HIBADH: variants seen among roughly 807,000 people sequenced by gnomAD.
HIBADH encodes 3-hydroxyisobutyrate dehydrogenase, mitochondrial.
HIBADH carries 25 observed loss-of-function variants against 36.1 expected under a neutral mutation model. The ratio of observed to expected loss-of-function variants is 0.69; its 90% CI spans 0.50 to 0.97. The LOEUF (loss-of-function observed/expected upper bound fraction) is 0.97. Ranked by LOEUF, HIBADH falls within the 50% of genes least tolerant of loss-of-function variation. The pLI, the probability that HIBADH is intolerant of heterozygous loss-of-function variation, is 0.00. For missense variants in HIBADH, 421 were observed against 418.0 expected (o/e 1.01, Z -0.06); for synonymous variants, 160 against 149.5 (o/e 1.07, Z -0.51).
chr7:27,614,190 C>A (rs1051323749), intron 4 of HIBADH, among the ~76,000 whole-genome samples: 1 of 152,148 alleles, frequency 6.6e-6, no homozygotes, highest in Non-Finnish European at 1.5e-5. Context: ...AATGTAAGAA[C>A]TTCCTCTTTA....
Position 27,632,345 on chromosome 7 carries a change from C to A in HIBADH, c.353G>T (p.Gly118Val). 1 of 1,595,576 alleles carries A rather than the reference C, an allele frequency of 6.3e-7. No homozygotes were observed. The highest frequency in any genetic ancestry group is 1.1e-5 in the South Asian group (1 of 90,516). ...GGTGAGAAATACATACTTTAGAATCCCATTTGCTCCGGAATAAGCTTCTAT... is the reference window on the plus strand; with the variant it reads ...GGTGAGAAATACATACTTTAGAATCACATTTGCTCCGGAATAAGCTTCTAT... ...NAIEAYSGAN[G>V]ILKKVKKGSL... The change falls in exon 3 of 8, where the codon GGG (glycine) becomes GTG (valine). Residue 118 changes from glycine to valine, a missense_variant. Physicochemically the swap from Gly to Val is moderately radical, Grantham distance 109 (BLOSUM62 -3). Transcript: ENST00000265395.
chr7:27,568,256 T>C (rs1784577633), intron 4 of HIBADH, among the ~76,000 whole-genome samples: 1 of 152,184 alleles, frequency 6.6e-6, no homozygotes, highest in South Asian at 2.1e-4. Context: ...AGTTTTCCTT[T>C]ACCTGTGAAT....
At chr7:27,645,376 T>TTTTTTTTTTG (rs1786047112) in intron 2 of HIBADH, among the ~76,000 whole-genome samples, 1 of 117,810 alleles carries the variant, frequency 8.5e-6, no homozygotes, top group Non-Finnish European at 1.7e-5. Flanking sequence ...TGATTTTTTT[T>TTTTTTTTTTG]TTTTTTTTTT....
At chr7:27,548,016 A>C (rs1280785808) in intron 4 of HIBADH, among the ~76,000 whole-genome samples, 1 of 152,166 alleles carries the variant, frequency 6.6e-6, no homozygotes, top group Non-Finnish European at 1.5e-5. Context: ...ACTCATTTGT[A>C]CAAATAAATG....
intron 4 of HIBADH, among the ~76,000 whole-genome samples, chr7:27,550,482 C>T (rs1464645309): frequency 1.3e-5 from 2 of 152,166 alleles, no homozygotes; most frequent in Admixed American, 1.3e-4. Context: ...ACTCAATGCA[C>T]ACTGAAAACT....
At chr7:27,593,369 A>G (rs1784976296) in intron 4 of HIBADH, among the ~76,000 whole-genome samples, 1 of 152,218 alleles carries the variant, frequency 6.6e-6, no homozygotes, top group South Asian at 2.1e-4. Context: ...CAGTTCCCCC[A>G]GACTGTAAGT....
chr7:27,603,312 TG>T (rs1159281453), intron 4 of HIBADH, among the ~76,000 whole-genome samples: 1 of 152,186 alleles, frequency 6.6e-6, no homozygotes, highest in African/African-American at 2.4e-5. Context: ...ACAATTTCAT[TG>T]TTTTTTTGTA....
chr7:27,607,294 G>A (rs910509776), intron 4 of HIBADH, among the ~76,000 whole-genome samples: 12 of 152,154 alleles, frequency 7.9e-5, no homozygotes, highest in Admixed American at 6.5e-5. Flanking sequence ...GATCACCTGA[G>A]GTCAGGAGTT....
chr7:27,632,828 G>C (rs117576517), intron 2 of HIBADH, among the ~76,000 whole-genome samples: 1 of 151,890 alleles, frequency 6.6e-6, no homozygotes, highest in African/African-American at 2.4e-5. Context: ...GTACAACAAC[G>C]CTGGTAACTC....
Position 27,526,352 on chromosome 7 carries a change from G to T in HIBADH, c.873C>A (p.Asp291Glu), listed in dbSNP as rs774068574. 6.2e-7 allele frequency: 1 copy of T among 1,612,006 alleles called. No individual in the cohort carries two copies. The highest frequency in any genetic ancestry group is 1.7e-5 in the Admixed American group (1 of 59,724). ...TTGGGCTCTTTGTGCTGGTAGCAGAGTCTTGTGCCAATCCCAGATCCTAAA... is the reference window on the plus strand; with the variant it reads ...TTGGGCTCTTTGTGCTGGTAGCAGATTCTTGTGCCAATCCCAGATCCTAAA... ...LMAKDLGLAQ[D>E]SATSTKSPIL... is the part of the protein sequence containing the mutation. The change falls in exon 8 of 8, where the codon GAC becomes GAA. Residue 291 changes from aspartate (D) to glutamate (E), a missense_variant. Coordinates refer to ENST00000265395, the MANE Select transcript of HIBADH (RefSeq NM_152740.4).
At chr7:27,530,296 C>T (rs1233058854) in intron 7 of HIBADH, among the ~76,000 whole-genome samples, 1 of 152,114 alleles carries the variant, frequency 6.6e-6, no homozygotes, top group Non-Finnish European at 1.5e-5. Context: ...ATCTCCACCT[C>T]CCGGGTTCAA....
chr7:27,535,674 T>C (rs893627731), intron 6 of HIBADH, among the ~76,000 whole-genome samples: 1 of 152,100 alleles, frequency 6.6e-6, no homozygotes, highest in Non-Finnish European at 1.5e-5. Flanking sequence ...AATGCCTATG[T>C]AGGAATCCAA....
At chr7:27,618,227 T>C (rs1172211432) in intron 4 of HIBADH, among the ~76,000 whole-genome samples, 1 of 152,186 alleles carries the variant, frequency 6.6e-6, no homozygotes, top group Non-Finnish European at 1.5e-5. Flanking sequence ...GCTGGAGGGC[T>C]ACCTATCCGG....
chr7:27,657,107 A>C (rs1398458056), intron 1 of HIBADH, among the ~76,000 whole-genome samples: 1 of 151,906 alleles, frequency 6.6e-6, no homozygotes, highest in Admixed American at 6.5e-5. Flanking sequence ...AATGGGGAAT[A>C]AACAAGAGAT....
At chr7:27,534,985 G>GC (rs1487457773) in intron 6 of HIBADH, among the ~76,000 whole-genome samples, 2 of 148,982 alleles carry the variant, frequency 1.3e-5, no homozygotes, top group Non-Finnish European at 3.0e-5. Context: ...CTACATGTAT[G>GC]CCCAAATGCC....
chr7:27,609,221 C>G (rs1216968803), intron 4 of HIBADH, among the ~76,000 whole-genome samples: 4 of 152,180 alleles, frequency 2.6e-5, no homozygotes, highest in African/African-American at 9.7e-5. Flanking sequence ...GCTGGAGCTG[C>G]CTCAACCATG....
At chr7:27,576,194 C>T (rs1054452982) in intron 4 of HIBADH, among the ~76,000 whole-genome samples, 1 of 152,178 alleles carries the variant, frequency 6.6e-6, no homozygotes, top group African/African-American at 2.4e-5. Context: ...ATAACCATTA[C>T]ACCTATGTTC....
At chr7:27,541,026 T>C in intron 5 of HIBADH, among the ~76,000 whole-genome samples, 1 of 152,066 alleles carries the variant, frequency 6.6e-6, no homozygotes, top group East Asian at 1.9e-4. Context: ...AGTCCTGATT[T>C]TCAACCCAAC....
At chr7:27,627,967 T>C (rs944045362) in intron 4 of HIBADH, among the ~76,000 whole-genome samples, 2 of 152,180 alleles carry the variant, frequency 1.3e-5, no homozygotes, top group African/African-American at 4.8e-5. Context: ...TATCAGATTA[T>C]AATTTCAGGT....
Sources: allele counts gnomAD v4.1 joint callset (sites outside exome capture counted in the v4.1 genomes callset), GRCh38; gene constraint gnomAD v4.1.1; transcripts MANE v1.5; gene names NCBI Gene and HGNC (gene_info 2026-07-23, HGNC 2026-07-21).